Variants in FIG4 observed in about 807,000 individuals in gnomAD.
FIG4 encodes polyphosphoinositide phosphatase.
FIG4 carries 112 observed loss-of-function variants against 118.6 expected under a neutral mutation model. The ratio of observed to expected loss-of-function variants is 0.94; its 90% confidence interval spans 0.81 to 1.11. The LOEUF (loss-of-function observed/expected upper bound fraction) is 1.11. Ranked by LOEUF, FIG4 falls within the 50% of genes least tolerant of loss-of-function variation. The probability of loss-of-function intolerance (pLI) is 0.00; values close to 1 mark genes in which losing one functional copy is unlikely to be tolerated. For missense variants in FIG4, 969 were observed against 1,111.7 expected, an observed-to-expected ratio of 0.87 and a Z score of 1.83; for synonymous variants, 369 against 381.2, an observed-to-expected ratio of 0.97 and a Z score of 0.37.
rs181198572 is a variant in FIG4 at position 109,707,893 on chromosome 6, A to T, written c.67-7185A>T. Among the ~76,000 whole-genome samples, 10 of 152,080 alleles carry T rather than the reference A, an allele frequency of 6.6e-5. No individual in the cohort carries two copies. In the East Asian group the frequency reaches 1.4e-3, roughly 21 times the overall value. Reference sequence around the variant, plus strand: ...CTAATGAAGTACTTATTTTTTAGATATAATTTTAGAATAATTCATTTCATT... The same window carrying T: ...CTAATGAAGTACTTATTTTTTAGATTTAATTTTAGAATAATTCATTTCATT... On this transcript the variant is annotated intron_variant, in intron 1 of 22. Transcript: ENST00000230124.
At chr6:109,769,569 A>T (rs970576705) in intron 15 of FIG4, among the ~76,000 whole-genome samples, 14 of 151,634 alleles carry the variant, frequency 9.2e-5, no homozygotes, top group African/African-American at 3.4e-4. Context: ...AAACTTAATC[A>T]ATCTTTTCAT....
intron 5 of FIG4, among the ~76,000 whole-genome samples, chr6:109,733,808 A>G (rs537039934): frequency 1.3e-3 from 196 of 152,048 alleles, no homozygotes; most frequent in Non-Finnish European, 2.3e-3. Context: ...ATTGAAGCTC[A>G]GTGCTATTGT....
In FIG4 at chr6:109,716,463, G is replaced by T; in HGVS notation, c.184G>T (p.Glu62Ter). The T allele has an allele frequency of 6.2e-7, 1 of 1,613,742 alleles. No individual in the cohort carries two copies. The highest frequency in any genetic ancestry group is 8.5e-7 in the Non-Finnish European group (1 of 1,179,718). The stretch of plus-strand genomic sequence containing the variant: ...TTCTTAGCATGTCTATACTCAACAA[G>T]AAGTAAGGGAACTTCTTGGCCGCTT... ...IDDRHVYTQQ[E>*]VRELLGRLDL... The change falls in exon 3 of 23, where the codon GAA becomes TAA. Residue 62 changes from glutamate to a stop codon, truncating the protein, a stop_gained. Coordinates refer to ENST00000230124, the MANE Select transcript of FIG4 (RefSeq NM_014845.6). LOFTEE classifies it high-confidence loss of function.
At chr6:109,772,494 T>C (rs141420788) in intron 15 of FIG4, among the ~76,000 whole-genome samples, 1,533 of 152,304 alleles carry the variant, frequency 0.01, 18 homozygotes, top group Middle Eastern at 0.058. Context: ...TTTGCTCTCG[T>C]TGCCCAGACT....
chr6:109,796,647 G>GT, intron 21 of FIG4, 118 bp from the exon 22 acceptor site: 1 of 769,404 alleles, frequency 1.3e-6, no homozygotes, highest in Non-Finnish European at 2.4e-6. Flanking sequence ...ACTCTTAGGT[G>GT]TTTTTCTGAA....
At chr6:109,705,544 A>T (rs915345716) in intron 1 of FIG4, among the ~76,000 whole-genome samples, 1 of 152,170 alleles carries the variant, frequency 6.6e-6, no homozygotes, top group Non-Finnish European at 1.5e-5. Flanking sequence ...CTATTTCCAG[A>T]TTCTGTGGGT....
chr6:109,706,477 T>C (rs1775069778), intron 1 of FIG4, among the ~76,000 whole-genome samples: 1 of 152,208 alleles, frequency 6.6e-6, no homozygotes. Flanking sequence ...CATGCTCTTC[T>C]CTCCCGAGGA....
At chr6:109,714,936 T>C in intron 1 of FIG4, 142 bp from the exon 2 acceptor site, 1 of 570,366 alleles carries the variant, frequency 1.8e-6, no homozygotes, top group East Asian at 2.9e-5. Flanking sequence ...TTCTTTAATC[T>C]GCCAGTTATA....
chr6:109,773,948 A>G (rs1777541058), intron 15 of FIG4, among the ~76,000 whole-genome samples: 1 of 152,154 alleles, frequency 6.6e-6, no homozygotes, highest in African/African-American at 2.4e-5. Context: ...AGCTGGGACT[A>G]TAGGCGTGTG....
At chr6:109,742,899 T>C (rs1237924827) in intron 8 of FIG4, among the ~76,000 whole-genome samples, 15 of 152,282 alleles carry the variant, frequency 9.9e-5, no homozygotes, top group Admixed American at 9.8e-4. Context: ...GTCTATTCTC[T>C]GCTACTTTTA....
intron 6 of FIG4, among the ~76,000 whole-genome samples, chr6:109,737,742 A>G (rs919128121): frequency 8.5e-5 from 13 of 152,190 alleles, no homozygotes; most frequent in African/African-American, 3.1e-4. Context: ...ATTCATAGAG[A>G]AAAGGCCTGA....
At chr6:109,799,979 GT>G (rs1436547294) in intron 22 of FIG4, among the ~76,000 whole-genome samples, 2 of 152,220 alleles carry the variant, frequency 1.3e-5, no homozygotes, top group African/African-American at 4.8e-5. Context: ...CGAACACACT[GT>G]GTGATGGGCA....
At chr6:109,781,939 C>T (rs945709621) in intron 16 of FIG4, among the ~76,000 whole-genome samples, 1 of 151,746 alleles carries the variant, frequency 6.6e-6, no homozygotes, top group Non-Finnish European at 1.5e-5. Context: ...GCTGTAATTT[C>T]ACTTAACTAC....
At chr6:109,751,914 T>G (rs1776716338) in intron 10 of FIG4, among the ~76,000 whole-genome samples, 1 of 151,240 alleles carries the variant, frequency 6.6e-6, no homozygotes, top group Non-Finnish European at 1.5e-5. Context: ...TGTATACATG[T>G]GCCATGCTGG....
intron 15 of FIG4, among the ~76,000 whole-genome samples, chr6:109,771,461 C>CTTT (rs71018367): frequency 0.017 from 1,488 of 86,024 alleles, 63 homozygotes; most frequent in African/African-American, 0.023. Context: ...TCCTCTAATT[C>CTTT]TTTTTTTTTT....
At position 109,738,833 on chromosome 6, in the gene FIG4, C is replaced by CAG. The variant is rs149080318; in HGVS notation, c.775+392_775+393dup. On this transcript the variant is annotated intron_variant, in intron 7 of 22. Coordinates refer to ENST00000230124, the MANE Select transcript of FIG4 (RefSeq NM_014845.6). ...TAGCAGCGAGAGAGATCAGGCCGAGCAGAGAGAGAGAGATCACAGCCTGGG... is the reference window on the plus strand; with the variant it reads ...TAGCAGCGAGAGAGATCAGGCCGAGCAGAGAGAGAGAGAGATCACAGCCTGGG... 8.1e-3 allele frequency among the ~76,000 whole-genome samples: 1,230 copies of CAG among 151,880 alleles called. 27 individuals are homozygous for CAG. Among genetic ancestry groups the CAG allele is most frequent in the African/African-American group, 0.026 (1,090 of 41,452 alleles).
At chr6:109,818,419 C>T (rs542459429) in intron 22 of FIG4, among the ~76,000 whole-genome samples, 3 of 152,158 alleles carry the variant, frequency 2.0e-5, no homozygotes, top group East Asian at 1.9e-4. Flanking sequence ...ACGCTGGTCT[C>T]GAACTCCCGA....
chr6:109,803,428 A>G (rs777427857), intron 22 of FIG4, among the ~76,000 whole-genome samples: 2 of 152,210 alleles, frequency 1.3e-5, no homozygotes, highest in Non-Finnish European at 2.9e-5. Context: ...TTGACCAGCT[A>G]TAGTGGCAAG....
chr6:109,817,663 C>T (rs949685478), intron 22 of FIG4, among the ~76,000 whole-genome samples: 2 of 152,086 alleles, frequency 1.3e-5, no homozygotes, highest in Admixed American at 1.3e-4. Context: ...ACCATTGCCA[C>T]TCATATATGT....
Sources: allele counts gnomAD v4.1 joint callset (sites outside exome capture counted in the v4.1 genomes callset), GRCh38; gene constraint gnomAD v4.1.1; transcripts MANE v1.5; gene names NCBI Gene and HGNC (gene_info 2026-07-23, HGNC 2026-07-21).